The following RHBDD1 variants were observed in gnomAD, a reference collection of about 807,000 sequenced individuals.
The protein encoded by RHBDD1 is rhomboid domain containing 1, also known as rhomboid-related protein 4.
A neutral mutation model predicts 36.3 loss-of-function variants in RHBDD1; 38 were observed. The observed-to-expected ratio is 1.05, with a 90% CI of 0.81 to 1.37. RHBDD1 has a LOEUF of 1.37. Among genes scored for constraint, RHBDD1 ranks in the 40% most tolerant of loss-of-function variants. The pLI is 0.00. For missense variants in RHBDD1, 393 were observed against 377.6 expected (o/e 1.04, Z -0.34); for synonymous variants, 151 against 136.5 (o/e 1.11, Z -0.74).
In RHBDD1 at chr2:226,958,702, CTGTGTGTG is replaced by C. The variant is rs10666758; in HGVS notation, c.857-36693_857-36686del. ...TTTGAGTTTAGGATGAAGGATTTTT[CTGTGTGTG>C]TGTGTGTGTGTGTGTGTGTGTGTGT... On this transcript the variant is annotated intron_variant, in intron 8 of 8. Coordinates refer to ENST00000392062, the MANE Select transcript of RHBDD1 (RefSeq NM_001167608.3). Among the ~76,000 whole-genome samples the C allele has an allele frequency of 2.8e-3, 388 of 138,932 alleles. 5 individuals are homozygous for C. Among genetic ancestry groups the C allele is most frequent in the Middle Eastern group, 3.6e-3 (1 of 280 alleles). The allele number at this position is 138,932 out of a possible 152,430, so 91.1% of individuals were successfully genotyped here.
At chr2:226,931,767 A>G (rs1280524816) in intron 8 of RHBDD1, among the ~76,000 whole-genome samples, 2 of 152,106 alleles carry the variant, frequency 1.3e-5, no homozygotes, top group African/African-American at 2.4e-5. Context: ...CAATCCTGGA[A>G]TCAGATAGCA....
intron 8 of RHBDD1, among the ~76,000 whole-genome samples, chr2:226,916,192 A>G (rs1211345964): frequency 6.6e-6 from 1 of 152,230 alleles, no homozygotes; most frequent in African/African-American, 2.4e-5. Context: ...GCTCAGATTC[A>G]TGGGATAGGG....
chr2:226,907,225 A>G (rs944273146), intron 6 of RHBDD1, among the ~76,000 whole-genome samples: 4 of 152,258 alleles, frequency 2.6e-5, no homozygotes, highest in Admixed American at 6.5e-5. Flanking sequence ...ATAATAGTCC[A>G]TGAATTAATA....
chr2:226,854,995 A>T (rs917532727), intron 3 of RHBDD1, among the ~76,000 whole-genome samples: 1 of 152,246 alleles, frequency 6.6e-6, no homozygotes, highest in African/African-American at 2.4e-5. Flanking sequence ...AACATTCTTC[A>T]TATGTCCAAT....
intron 5 of RHBDD1, among the ~76,000 whole-genome samples, chr2:226,888,889 A>G (rs1946459061): frequency 6.6e-6 from 1 of 152,170 alleles, no homozygotes; most frequent in Admixed American, 6.5e-5. Flanking sequence ...TTAGGAATTA[A>G]ACAACTTCCA....
chr2:226,817,849 C>T, the RHBDD1 span, among the ~76,000 whole-genome samples: 1 of 152,172 alleles, frequency 6.6e-6, no homozygotes, highest in Non-Finnish European at 1.5e-5. Flanking sequence ...CCAGCATGCA[C>T]CTTTTTAACA....
chr2:226,947,130 T>G (rs985019718), intron 8 of RHBDD1, among the ~76,000 whole-genome samples: 1 of 151,864 alleles, frequency 6.6e-6, no homozygotes, highest in African/African-American at 2.4e-5. Context: ...GTCAATTTTG[T>G]CTTTTGTTGC....
chr2:226,933,631 C>T (rs1390888676), intron 8 of RHBDD1, among the ~76,000 whole-genome samples: 1 of 151,998 alleles, frequency 6.6e-6, no homozygotes, highest in Non-Finnish European at 1.5e-5. Flanking sequence ...GATCTGCTAC[C>T]TCAGGTCTTT....
chr2:226,967,758 C>T (rs1333919888), intron 8 of RHBDD1, among the ~76,000 whole-genome samples: 1 of 152,000 alleles, frequency 6.6e-6, no homozygotes, highest in East Asian at 1.9e-4. Context: ...CCCCAAGAGG[C>T]ATTTGCAAAT....
At chr2:226,931,071 C>A (rs1950003264) in intron 8 of RHBDD1, among the ~76,000 whole-genome samples, 1 of 151,972 alleles carries the variant, frequency 6.6e-6, no homozygotes, top group Non-Finnish European at 1.5e-5. Context: ...CTATGGAAAA[C>A]AGTACAGAGA....
At chr2:226,898,322 TAA>T (rs777722816) in intron 5 of RHBDD1, among the ~76,000 whole-genome samples, 8 of 152,218 alleles carry the variant, frequency 5.3e-5, no homozygotes, top group Non-Finnish European at 1.0e-4. Context: ...AGCTCTTTTG[TAA>T]AAGAGGCTTC....
chr2:226,884,946 GA>G (rs1946087474), intron 5 of RHBDD1, among the ~76,000 whole-genome samples: 1 of 151,804 alleles, frequency 6.6e-6, no homozygotes, highest in Non-Finnish European at 1.5e-5. Flanking sequence ...AAATAAATGA[GA>G]AAAAAATGAA....
At chr2:226,897,308 G>C (rs999754129) in intron 5 of RHBDD1, among the ~76,000 whole-genome samples, 5 of 141,922 alleles carry the variant, frequency 3.5e-5, no homozygotes, top group African/African-American at 4.9e-5. Context: ...TGAGGTGTGT[G>C]TGTCTGTCTG....
At chr2:226,920,435 T>C (rs989915751) in intron 8 of RHBDD1, among the ~76,000 whole-genome samples, 1 of 152,162 alleles carries the variant, frequency 6.6e-6, no homozygotes, top group Non-Finnish European at 1.5e-5. Flanking sequence ...TGAATAACAG[T>C]GGTGAAAGTG....
chr2:226,943,600 A>T (rs1950796790), intron 8 of RHBDD1, among the ~76,000 whole-genome samples: 1 of 152,108 alleles, frequency 6.6e-6, no homozygotes, highest in South Asian at 2.1e-4. Flanking sequence ...TAGAACACCT[A>T]CTCTCTTCAT....
chr2:226,800,642 C>T, the RHBDD1 span, among the ~76,000 whole-genome samples: 1 of 152,158 alleles, frequency 6.6e-6, no homozygotes, highest in Admixed American at 6.5e-5. Flanking sequence ...TGAGAGGTCC[C>T]TTATCATATT....
intron 8 of RHBDD1, among the ~76,000 whole-genome samples, chr2:226,929,118 G>A (rs890355786): frequency 1.3e-5 from 2 of 152,046 alleles, no homozygotes; most frequent in Non-Finnish European, 2.9e-5. Flanking sequence ...CCAAAAGACT[G>A]AGAAAGAGGG....
chr2:226,802,284 T>G, the RHBDD1 span, among the ~76,000 whole-genome samples: 3 of 152,226 alleles, frequency 2.0e-5, no homozygotes, highest in African/African-American at 7.2e-5. Context: ...TAAGCCTCAC[T>G]GCTGTGACAA....
chr2:226,938,521 T>C (rs1326368769), intron 8 of RHBDD1, among the ~76,000 whole-genome samples: 1 of 152,064 alleles, frequency 6.6e-6, no homozygotes, highest in African/African-American at 2.4e-5. Context: ...TTGGAAAATC[T>C]AGGAGAAATG....
Sources: allele counts gnomAD v4.1 joint callset (sites outside exome capture counted in the v4.1 genomes callset), GRCh38; gene constraint gnomAD v4.1.1; transcripts MANE v1.5; gene names NCBI Gene and HGNC (gene_info 2026-07-23, HGNC 2026-07-21).